Variants in PHIP observed in about 807,000 individuals in gnomAD.
PHIP encodes PH-interacting protein.
Under a neutral mutation model 236.8 loss-of-function variants are expected in PHIP, and 54 were observed. The ratio of observed to expected loss-of-function variants is 0.23; its 90% CI spans 0.18 to 0.29. The LOEUF is 0.29. Among genes scored for constraint, PHIP ranks in the 10% least tolerant of loss-of-function variants. The probability of loss-of-function intolerance (pLI) is 1.00; values close to 1 mark genes in which losing one functional copy is unlikely to be tolerated. For missense variants in PHIP, 1,370 were observed against 2,190.8 expected (o/e 0.63, Z 7.48); for synonymous variants, 756 against 718.9 (o/e 1.05, Z -0.83).
At chr6:78,954,308 G>A (rs570107015) in intron 35 of PHIP, among the ~76,000 whole-genome samples, 213 of 151,522 alleles carry the variant, frequency 1.4e-3, no homozygotes, top group African/African-American at 4.8e-3. Flanking sequence ...GGATTTCACC[G>A]TGTTAGCCAG....
chr6:79,063,399 T>C (rs1162884393), intron 4 of PHIP, among the ~76,000 whole-genome samples: 3 of 152,202 alleles, frequency 2.0e-5, no homozygotes, highest in Admixed American at 1.3e-4. Context: ...GTATAATTCT[T>C]TATTCTAATA....
intron 24 of PHIP, 38 bp downstream of exon 24, chr6:78,978,554 T>C: frequency 1.3e-6 from 2 of 1,528,134 alleles, no homozygotes; most frequent in Non-Finnish European, 1.8e-6. Flanking sequence ...TTTAAAACTA[T>C]GTGAGGAAAA....
At chr6:78,942,393 G>A (rs1035805535) in intron 39 of PHIP, among the ~76,000 whole-genome samples, 3 of 152,200 alleles carry the variant, frequency 2.0e-5, no homozygotes, top group African/African-American at 7.2e-5. Flanking sequence ...TGAGGCAGGA[G>A]AATCCTTTGA....
chr6:79,053,266 A>G (rs984360723), intron 6 of PHIP, among the ~76,000 whole-genome samples: 2 of 152,214 alleles, frequency 1.3e-5, no homozygotes, highest in African/African-American at 2.4e-5. Flanking sequence ...GTGAGCCGAC[A>G]TTGCGCCACT....
chr6:79,025,502 A>G lies in PHIP; in HGVS notation c.923+17T>C. On this transcript the variant is annotated intron_variant, in intron 9 of 39. Transcript: ENST00000275034. ...AAACTAAACACATTTAATCTATGAA[A>G]TAAAATAGAAACTGACTTTATTTTA... The G allele has an allele frequency of 1.4e-6, 2 of 1,462,796 alleles. No individual in the cohort carries two copies. The highest frequency in any genetic ancestry group is 1.4e-5 in the African/African-American group (1 of 71,970). 90.6% of individuals were successfully genotyped at this position (1,462,796 alleles called of 1,614,324 possible).
chr6:78,966,748 T>C (rs1182453250), intron 27 of PHIP, among the ~76,000 whole-genome samples: 1 of 152,246 alleles, frequency 6.6e-6, no homozygotes, highest in Non-Finnish European at 1.5e-5. Context: ...AATATTCTCA[T>C]GTTCCTTCTG....
chr6:79,065,141 A>G (rs563922520), intron 4 of PHIP, among the ~76,000 whole-genome samples: 18 of 152,268 alleles, frequency 1.2e-4, no homozygotes, highest in African/African-American at 1.7e-4. Context: ...CTGTATCTCC[A>G]TAACAGTCCA....
intron 6 of PHIP, among the ~76,000 whole-genome samples, chr6:79,050,092 A>C (rs536351294): frequency 1.3e-5 from 2 of 152,124 alleles, no homozygotes; most frequent in South Asian, 4.2e-4. Flanking sequence ...GAGTTATGAG[A>C]GGTTTTTACT....
chr6:78,984,109 A>G (rs1768717950), intron 22 of PHIP, among the ~76,000 whole-genome samples: 1 of 152,066 alleles, frequency 6.6e-6, no homozygotes, highest in Non-Finnish European at 1.5e-5. Context: ...ATTTTTCTGG[A>G]GCTTTATTCC....
intron 27 of PHIP, among the ~76,000 whole-genome samples, chr6:78,968,464 T>C (rs1767297011): frequency 6.6e-6 from 1 of 152,216 alleles, no homozygotes; most frequent in Non-Finnish European, 1.5e-5. Flanking sequence ...AATCCATGAA[T>C]ATGGAAGGGC....
intron 7 of PHIP, among the ~76,000 whole-genome samples, chr6:79,035,726 C>T (rs1771900257): frequency 1.3e-5 from 2 of 152,168 alleles, no homozygotes; most frequent in South Asian, 4.1e-4. Flanking sequence ...ATATTTACTA[C>T]AATTTCATTT....
At chr6:78,961,601 A>G in intron 31 of PHIP, 89 bp downstream of exon 31, 1 of 1,351,110 alleles carries the variant, frequency 7.4e-7, no homozygotes, top group Non-Finnish European at 1.0e-6. Context: ...CCTATATACA[A>G]AAAGTTGAGA....
intron 6 of PHIP, among the ~76,000 whole-genome samples, chr6:79,046,835 C>T (rs1203578975): frequency 2.0e-5 from 3 of 151,114 alleles, no homozygotes; most frequent in Non-Finnish European, 4.4e-5. Context: ...GAGATCATGC[C>T]ACTGCACTCC....
chr6:79,077,149 C>T (rs1296635348), intron 4 of PHIP, among the ~76,000 whole-genome samples: 3 of 151,954 alleles, frequency 2.0e-5, no homozygotes, highest in Non-Finnish European at 2.9e-5. Flanking sequence ...CGCACGGACG[C>T]GCGCGCCGGC....
chr6:78,948,929 C>T (rs1183170341), intron 35 of PHIP, among the ~76,000 whole-genome samples: 1 of 152,172 alleles, frequency 6.6e-6, no homozygotes, highest in African/African-American at 2.4e-5. Flanking sequence ...AGGATTACTG[C>T]CTTTACAAAT....
At position 79,078,001 on chromosome 6, in the gene PHIP, C is replaced by T. The variant is rs549820902; in HGVS notation, c.40+28G>A. 12 of 1,607,418 alleles carry T rather than the reference C, an allele frequency of 7.5e-6. No homozygotes were observed. The South Asian group carries it at 1.2e-4, about 16-fold the overall frequency. On this transcript the variant is annotated intron_variant, in intron 1 of 39. Transcript: ENST00000275034. ...GACCGCGGGCGGAATCGCCCGGTGC[C>T]AGCGGCCCCGGCAGCCCCCCGACTT... is the stretch of plus-strand genomic sequence containing the variant.
chr6:78,992,222 C>G (rs1366825449), intron 19 of PHIP, among the ~76,000 whole-genome samples: 1 of 152,064 alleles, frequency 6.6e-6, no homozygotes, highest in African/African-American at 2.4e-5. Context: ...CTCGGCCTCC[C>G]AAAGTGCTGG....
chr6:79,053,648 G>C (rs777332887), intron 6 of PHIP, among the ~76,000 whole-genome samples: 1 of 152,068 alleles, frequency 6.6e-6, no homozygotes, highest in Non-Finnish European at 1.5e-5. Flanking sequence ...CACTGAATAC[G>C]TAACTTTAAA....
At chr6:79,072,068 A>G (rs1382810611) in intron 4 of PHIP, among the ~76,000 whole-genome samples, 1 of 152,212 alleles carries the variant, frequency 6.6e-6, no homozygotes, top group Non-Finnish European at 1.5e-5. Flanking sequence ...TGTTTAAAAT[A>G]TATATAAACA....
Sources: gnomAD v4.1 joint callset for allele counts (sites outside exome capture counted in the v4.1 genomes callset) on GRCh38, gnomAD v4.1.1 for gene constraint, MANE v1.5 for transcripts, NCBI Gene and HGNC (gene_info 2026-07-23, HGNC 2026-07-21) for gene names.